KATNA1: variants seen among roughly 807,000 people sequenced by gnomAD.
KATNA1 encodes the protein katanin catalytic subunit A1, also known as katanin p60 ATPase-containing subunit A1.
In KATNA1, 42 loss-of-function variants were observed where a neutral mutation model predicts 62.6. The observed-to-expected ratio is 0.67, with a 90% CI of 0.52 to 0.87. The LOEUF (loss-of-function observed/expected upper bound fraction) is 0.87, where lower values mean the gene tolerates loss of function less well. KATNA1 is among the 40% of genes least tolerant of loss of function. The pLI is 0.00. For missense variants in KATNA1, 498 were observed against 612.5 expected, an observed-to-expected ratio of 0.81 and a Z score of 1.97; for synonymous variants, 186 against 201.9, an observed-to-expected ratio of 0.92 and a Z score of 0.67.
At chr6:149,633,619 G>A (rs1050472955) in intron 2 of KATNA1, among the ~76,000 whole-genome samples, 11 of 151,864 alleles carry the variant, frequency 7.2e-5, no homozygotes, top group African/African-American at 2.7e-4. Flanking sequence ...TACAGGCCCA[G>A]CTACCTGGGA....
intron 1 of KATNA1, among the ~76,000 whole-genome samples, chr6:149,644,670 C>CA (rs1780412533): frequency 6.6e-6 from 1 of 151,980 alleles, no homozygotes; most frequent in Non-Finnish European, 1.5e-5. Flanking sequence ...TAAGTTGTTA[C>CA]TTATATATAG....
chr6:149,633,098 C>T (rs972393304), intron 2 of KATNA1, among the ~76,000 whole-genome samples, 182 bp from the exon 3 acceptor site: 3 of 137,806 alleles, frequency 2.2e-5, no homozygotes, highest in Non-Finnish European at 3.1e-5. Context: ...TTTTCAATTG[C>T]AATTTTTTTT....
At chr6:149,607,436 A>AC (rs577355518) in intron 4 of KATNA1, among the ~76,000 whole-genome samples, 104 of 151,938 alleles carry the variant, frequency 6.8e-4, no homozygotes, top group African/African-American at 2.5e-3. Flanking sequence ...ACATGGTGAA[A>AC]CCCCCTCTCT....
intron 10 of KATNA1, among the ~76,000 whole-genome samples, chr6:149,596,000 G>A (rs1412347582): frequency 2.6e-5 from 4 of 152,140 alleles, no homozygotes; most frequent in Non-Finnish European, 5.9e-5. Context: ...CTGTGCATAT[G>A]CCAAGTCAAT....
In KATNA1 at chr6:149,623,130, T is replaced by C; in HGVS notation, c.474A>G (p.Lys158=). ...RGKAVRCREK[K]EQNKGREEKN... ...TTTCCTCTCTTCCTTTATTCTGTTC[T>C]TTCTTTTCACGACAACGAACAGCTT... The change falls in exon 4 of 11, where the codon AAA becomes AAG. Residue 158 remains lysine, a synonymous_variant. Transcript: ENST00000367411. 2 of 1,604,198 alleles carry C rather than the reference T, an allele frequency of 1.2e-6. No individual in the cohort carries two copies. Among genetic ancestry groups the C allele is most frequent in the Non-Finnish European group, 1.7e-6 (2 of 1,177,412 alleles).
At chr6:149,646,964 A>G (rs1351456866) in intron 1 of KATNA1, among the ~76,000 whole-genome samples, 1 of 152,210 alleles carries the variant, frequency 6.6e-6, no homozygotes, top group Non-Finnish European at 1.5e-5. Context: ...AAGATTCTCT[A>G]ATCCTCAATA....
Position 149,601,579 on chromosome 6 carries a change from G to C in KATNA1, c.888+15C>G, listed in dbSNP as rs201880054. On this transcript the variant is annotated intron_variant, in intron 7 of 10. Transcript: ENST00000367411. ...AGAGAGGTAAAGAATCATTAGAGCT[G>C]TCTCAAACATTCACCATTTCAAACA... 4.3e-4 allele frequency: 679 copies of C among 1,591,872 alleles called. 2 individuals are homozygous for C. In the African/African-American group the frequency reaches 8.4e-3, roughly 20 times the overall value.
At chr6:149,597,290 A>G in intron 9 of KATNA1, 101 bp from the exon 10 acceptor site, 1 of 1,339,394 alleles carries the variant, frequency 7.5e-7, no homozygotes, top group Non-Finnish European at 1.0e-6. Flanking sequence ...TCCAGTAAGA[A>G]TTGGATCTCT....
chr6:149,633,585 T>G (rs977855131), intron 2 of KATNA1, among the ~76,000 whole-genome samples: 114 of 68,290 alleles, frequency 1.7e-3, no homozygotes, highest in African/African-American at 4.0e-3. Flanking sequence ...TACAAAAAGT[T>G]AGCCAGGCAT....
chr6:149,619,542 G>A (rs1779313017), intron 4 of KATNA1, among the ~76,000 whole-genome samples: 1 of 152,080 alleles, frequency 6.6e-6, no homozygotes, highest in Non-Finnish European at 1.5e-5. Flanking sequence ...GAACCTGAGA[G>A]GCGGAGGTTG....
At chr6:149,633,307 C>G (rs1343729588) in intron 2 of KATNA1, among the ~76,000 whole-genome samples, 1 of 151,886 alleles carries the variant, frequency 6.6e-6, no homozygotes. Flanking sequence ...CAGGGTTTCA[C>G]CATGTTAGCC....
chr6:149,614,979 A>G (rs1779106515), intron 4 of KATNA1, among the ~76,000 whole-genome samples: 1 of 151,900 alleles, frequency 6.6e-6, no homozygotes, highest in Non-Finnish European at 1.5e-5. Context: ...CTAAAAATAC[A>G]AAAATTAGCC....
chr6:149,616,078 G>A (rs1779157337), intron 4 of KATNA1, among the ~76,000 whole-genome samples: 1 of 152,152 alleles, frequency 6.6e-6, no homozygotes, highest in South Asian at 2.1e-4. Flanking sequence ...GGTGAATGGT[G>A]AGTTATTGTT....
chr6:149,611,781 C>T (rs1014745283), intron 4 of KATNA1, among the ~76,000 whole-genome samples: 1 of 151,826 alleles, frequency 6.6e-6, no homozygotes, highest in African/African-American at 2.4e-5. Context: ...GGGTGGATCA[C>T]GAGGTCAGGA....
chr6:149,621,790 G>A (rs1335305617), intron 4 of KATNA1, among the ~76,000 whole-genome samples: 23 of 150,076 alleles, frequency 1.5e-4, no homozygotes, highest in Admixed American at 2.0e-4. Context: ...ACCATGCCCG[G>A]CCAAAAAAAA....
At chr6:149,617,861 G>A (rs1245474527) in intron 4 of KATNA1, among the ~76,000 whole-genome samples, 4 of 151,696 alleles carry the variant, frequency 2.6e-5, no homozygotes, top group East Asian at 1.9e-4. Context: ...GCTTGAACCT[G>A]AGAGGTGGAG....
chr6:149,618,398 A>G (rs2115113568), intron 4 of KATNA1, among the ~76,000 whole-genome samples: 1 of 152,086 alleles, frequency 6.6e-6, no homozygotes, highest in South Asian at 2.1e-4. Flanking sequence ...CAATTGCTTG[A>G]ATCCGGGAGG....
At chr6:149,606,207 G>T (rs543369096) in intron 4 of KATNA1, among the ~76,000 whole-genome samples, 122 of 152,270 alleles carry the variant, frequency 8.0e-4, no homozygotes, top group African/African-American at 2.7e-3. Flanking sequence ...GGCCCAATAG[G>T]TGTTAAACTG....
chr6:149,595,396 T>C (rs1187216144), intron 10 of KATNA1, among the ~76,000 whole-genome samples, 162 bp from the exon 11 acceptor site: 1 of 152,182 alleles, frequency 6.6e-6, no homozygotes, highest in East Asian at 1.9e-4. Context: ...ACAAAGCCTG[T>C]TGTGATTGAT....
Sources: gnomAD v4.1 joint callset for allele counts (sites outside exome capture counted in the v4.1 genomes callset) on GRCh38, gnomAD v4.1.1 for gene constraint, MANE v1.5 for transcripts, NCBI Gene and HGNC (gene_info 2026-07-23, HGNC 2026-07-21) for gene names.